Variants in MAP7D1 observed in about 807,000 individuals in gnomAD.
MAP7D1 encodes MAP7 domain containing 1, also known as MAP7 domain-containing protein 1.
MAP7D1 carries 30 observed loss-of-function variants against 97.5 expected under a neutral mutation model. The observed-to-expected ratio is 0.31, with a 90% CI of 0.23 to 0.42. The LOEUF (loss-of-function observed/expected upper bound fraction) is 0.42, where lower values mean the gene tolerates loss of function less well. MAP7D1 is among the 10% of genes least tolerant of loss of function. MAP7D1 has a pLI of 1.00. For synonymous variants in MAP7D1, 536 were observed against 477.1 expected (o/e 1.12, Z -1.61); for missense variants, 1,184 against 1,179.5 (o/e 1.00, Z -0.06).
chr1:36,171,336 C>T (rs1644540504), intron 2 of MAP7D1, 21 bp downstream of exon 2: 1 of 1,551,784 alleles, frequency 6.4e-7, no homozygotes. Context: ...TGACCCCGGC[C>T]TGGGCCTAAA....
chr1:36,173,549 T>G, intron 5 of MAP7D1, 71 bp downstream of exon 5: 1 of 1,206,770 alleles, frequency 8.3e-7, no homozygotes, highest in Non-Finnish European at 1.2e-6. Flanking sequence ...GGGAACAACT[T>G]CCCTACAAAA....
rs767160576 is a variant in MAP7D1 at position 36,177,859 on chromosome 1, C to G, written c.1380-14C>G. On this transcript the variant is annotated splice_polypyrimidine_tract_variant and intron_variant, in intron 8 of 16. Transcript: ENST00000474796. ...GTGTGTCTCCTAACCCTTCCCTTTT[C>G]CCTTTTCTCTTAGCCCCAAATCCAA... 2 of 1,525,536 alleles carry G rather than the reference C, an allele frequency of 1.3e-6. No homozygotes were observed. The highest frequency in any genetic ancestry group is 2.6e-5 in the South Asian group (2 of 77,058). 94.5% of individuals were successfully genotyped at this position (1,525,536 alleles called of 1,614,324 possible).
chr1:36,161,910 T>TGTGTGAGA (rs750232866), intron 1 of MAP7D1, among the ~76,000 whole-genome samples: 4 of 105,548 alleles, frequency 3.8e-5, no homozygotes, highest in African/African-American at 1.2e-4. Context: ...TGTGTGTGTG[T>TGTGTGAGA]GAGAGAGAGA....
At position 36,178,179 on chromosome 1, in the gene MAP7D1, G is replaced by T. The variant is rs1557783275; in HGVS notation, c.1686G>T (p.Gln562His). 1 of 1,564,562 alleles carries T rather than the reference G, an allele frequency of 6.4e-7. No homozygotes were observed. The highest frequency in any genetic ancestry group is 2.3e-5 in the East Asian group (1 of 43,152). The change falls in exon 9 of 17, where the codon CAG becomes CAT. Residue 562 changes from glutamine (Q) to histidine (H), a missense_variant. Gln to His is a conservative substitution (Grantham distance 24, BLOSUM62 0). Transcript: ENST00000474796. ...CCCCAGCCCCGCCCCAGAAGGAGCAGCCCCCCGCGGAGACCCCTACAGGTA... is the reference window on the plus strand; with the variant it reads ...CCCCAGCCCCGCCCCAGAAGGAGCATCCCCCCGCGGAGACCCCTACAGGTA... Reference protein sequence around the residue: ...SPTPAPPQKEQPPAETPTDAA... With the variant: ...SPTPAPPQKEHPPAETPTDAA...
Position 36,178,575 on chromosome 1 carries a change from G to C in MAP7D1, c.1865G>C (p.Arg622Thr). Reference protein sequence around the residue: ...EQREREEQERRLQAERDKRMR... With the variant: ...EQREREEQERTLQAERDKRMR... ...CGGGAGCGCGAGGAGCAGGAGCGGA[G>C]GCTGCAGGCAGAAAGGGACAAGTGA... The change falls in exon 10 of 17, where the codon AGG becomes ACG. Residue 622 changes from arginine (R) to threonine (T), a missense_variant. By Grantham distance (71) the Arg-to-Thr change is moderately conservative. Coordinates refer to ENST00000474796, the MANE Select transcript of MAP7D1 (RefSeq NM_001388490.1). 1 of 1,586,986 alleles carries C rather than the reference G, an allele frequency of 6.3e-7. No individual in the cohort carries two copies. Among genetic ancestry groups the C allele is most frequent in the African/African-American group, 1.3e-5 (1 of 74,520 alleles).
intron 16 of MAP7D1, 45 bp downstream of exon 16, chr1:36,180,112 C>G: frequency 3.1e-6 from 5 of 1,610,720 alleles, no homozygotes; most frequent in Non-Finnish European, 4.2e-6. Context: ...CTCCCAGCAG[C>G]CTTCCCTGTA....
rs776690095 is a variant in MAP7D1, at chr1:36,174,914, C to T, written c.756C>T (p.Ser252=). 20 of 1,612,510 alleles carry T rather than the reference C, an allele frequency of 1.2e-5. No homozygotes were observed. The highest frequency in any genetic ancestry group is 6.7e-5 in the East Asian group (3 of 44,882). The change falls in exon 6 of 17, where the codon TCC becomes TCT. Residue 252 remains serine (S), a synonymous_variant. Coordinates refer to ENST00000474796, the MANE Select transcript of MAP7D1 (RefSeq NM_001388490.1). ...CCCCTCCAGGTGGGAGCAGGTGCTC[C>T]GTGTCGGCAGTTAACCTGCCCAAAC... ...PGHKTSGSRC[S]VSAVNLPKHV...
In MAP7D1 at chr1:36,156,165, G is replaced by C. The variant is rs1039579152; in HGVS notation, c.-253G>C. 3.2e-5 allele frequency: 13 copies of C among 410,576 alleles called. No homozygotes were observed. Among genetic ancestry groups the C allele is most frequent in the African/African-American group, 2.5e-4 (12 of 47,904 alleles). The allele number at this position is 410,576 out of a possible 1,614,324, so 25.4% of individuals were successfully genotyped here. A position where few individuals can be genotyped will look rare whatever the true frequency, so the allele number is the denominator to read the frequency against. On this transcript the variant is annotated 5_prime_UTR_variant, in exon 1 of 17. Coordinates refer to ENST00000474796, the MANE Select transcript of MAP7D1 (RefSeq NM_001388490.1). The stretch of plus-strand genomic sequence containing the variant: ...AGCCCGGGCGGTACAATAGGGTTGG[G>C]CCGAGGCCGGGACTGGGCCGGCGCC...
In MAP7D1 at chr1:36,178,514, C is replaced by T. The variant is rs1329047253; in HGVS notation, c.1804C>T (p.Leu602Phe). ...GTTDREEATRLLAEKRRQARE... is the reference protein window; with the variant it reads ...GTTDREEATRFLAEKRRQARE... Reference sequence around the variant, plus strand: ...CACAGACCGAGAAGAAGCCACTCGGCTCTTGGCTGAGAAGCGGCGCCAGGC... The same window carrying T: ...CACAGACCGAGAAGAAGCCACTCGGTTCTTGGCTGAGAAGCGGCGCCAGGC... Residue 602 changes from leucine to phenylalanine, a missense_variant, in exon 10 of 17, where the codon CTC becomes TTC. Transcript: ENST00000474796. 6.2e-7 allele frequency: 1 copy of T among 1,609,588 alleles called. No individual in the cohort carries two copies. The highest frequency in any genetic ancestry group is 8.5e-7 in the Non-Finnish European group (1 of 1,178,312).
Position 36,179,878 on chromosome 1 carries a change from C to G in MAP7D1, c.2323C>G (p.Pro775Ala). The change falls in exon 16 of 17, where the codon CCA becomes GCA. Residue 775 changes from proline (P) to alanine (A), a missense_variant. Transcript: ENST00000474796. ...CCTTGGCCTCTGCATCCACAGTCTC[C>G]CAAGCAAGGAGTTGCCAGCGTCCCT... ...PIPQEPQWSL[P>A]SKELPASLVN... 1 of 1,611,940 alleles carries G rather than the reference C, an allele frequency of 6.2e-7. No individual in the cohort carries two copies. Among genetic ancestry groups the G allele is most frequent in the Non-Finnish European group, 8.5e-7 (1 of 1,178,682 alleles).
intron 6 of MAP7D1, among the ~76,000 whole-genome samples, chr1:36,175,449 G>A (rs947601715): frequency 2.6e-5 from 4 of 152,210 alleles, no homozygotes; most frequent in African/African-American, 9.7e-5. Context: ...GAGGGCCCAT[G>A]CAATCCTGCC....
chr1:36,161,950 G>T (rs1644418599), intron 1 of MAP7D1, among the ~76,000 whole-genome samples: 1 of 151,766 alleles, frequency 6.6e-6, no homozygotes, highest in Non-Finnish European at 1.5e-5. Flanking sequence ...TCGCCATTGT[G>T]CAGGCCCTGT....
At chr1:36,177,537 A>G (rs778897915) in intron 8 of MAP7D1, 5 of 588,034 alleles carry the variant, frequency 8.5e-6, no homozygotes, top group South Asian at 6.1e-5. Context: ...CAACAACAAC[A>G]ACAACAACAA....
chr1:36,156,476 C>T lies in MAP7D1; in HGVS notation c.46+13C>T. 2 of 1,452,468 alleles carry T rather than the reference C, an allele frequency of 1.4e-6. No homozygotes were observed. The highest frequency in any genetic ancestry group is 9.0e-7 in the Non-Finnish European group (1 of 1,109,530). 90.0% of individuals were successfully genotyped at this position (1,452,468 alleles called of 1,614,324 possible). ...GGCGCACCCCCAGGTATGCCGGGAG[C>T]CACGCGGAGGCGAGATGGGGGTAGA... On this transcript the variant is annotated intron_variant, in intron 1 of 16. Transcript: ENST00000474796.
At chr1:36,177,761 G>T in intron 8 of MAP7D1, 112 bp from the exon 9 acceptor site, 1 of 1,441,652 alleles carries the variant, frequency 6.9e-7, no homozygotes, top group South Asian at 1.5e-5. Flanking sequence ...AAGGGGGCGG[G>T]GGGCGGCGCT....
Position 36,171,503 on chromosome 1 carries a change from C to T in MAP7D1, c.392-10C>T, listed in dbSNP as rs374748063. Reference sequence around the variant, plus strand: ...CTTTTGACCTGTCTGTTCTTGTTCCCTCTGCTCAGAGGTGAAGAAGGCAGG... The same window carrying T: ...CTTTTGACCTGTCTGTTCTTGTTCCTTCTGCTCAGAGGTGAAGAAGGCAGG... On this transcript the variant is annotated splice_polypyrimidine_tract_variant and intron_variant, in intron 2 of 16. Transcript: ENST00000474796. 24 of 1,614,104 alleles carry T rather than the reference C, an allele frequency of 1.5e-5. No homozygotes were observed. In the African/African-American group the frequency reaches 2.9e-4, roughly 20 times the overall value.
chr1:36,163,072 C>T (rs1341104961), intron 1 of MAP7D1, among the ~76,000 whole-genome samples: 2 of 152,000 alleles, frequency 1.3e-5, no homozygotes, highest in Non-Finnish European at 2.9e-5. Context: ...GAGGGAGAGA[C>T]AAAAGGAAAG....
Position 36,171,333 on chromosome 1 carries a change from G to A in MAP7D1, c.391+18G>A, listed in dbSNP as rs513215. On this transcript the variant is annotated intron_variant, in intron 2 of 16. Coordinates refer to ENST00000474796, the MANE Select transcript of MAP7D1 (RefSeq NM_001388490.1). Reference sequence around the variant, plus strand: ...CAAGCAAGGTGTGTGTAATGACCCCGGCCTGGGCCTAAACCTCTTGGCTCA... The same window carrying A: ...CAAGCAAGGTGTGTGTAATGACCCCAGCCTGGGCCTAAACCTCTTGGCTCA... 5.5e-3 allele frequency: 8,502 copies of A among 1,550,660 alleles called. 392 individuals carry two copies. The African/African-American group carries it at 0.1, about 18-fold the overall frequency.
chr1:36,162,715 T>C (rs1644428904), intron 1 of MAP7D1, among the ~76,000 whole-genome samples: 1 of 152,208 alleles, frequency 6.6e-6, no homozygotes, highest in African/African-American at 2.4e-5. Flanking sequence ...GGTTCTGAGA[T>C]GAACATGACA....
Sources: allele counts gnomAD v4.1 joint callset (sites outside exome capture counted in the v4.1 genomes callset), GRCh38; gene constraint gnomAD v4.1.1; transcripts MANE v1.5; gene names NCBI Gene and HGNC (gene_info 2026-07-23, HGNC 2026-07-21).